PIGU: variants seen among roughly 807,000 people sequenced by gnomAD.
PIGU encodes phosphatidylinositol glycan anchor biosynthesis class U, also known as GPI-anchor transamidase component PIGU.
In PIGU, 24 loss-of-function variants were observed where a neutral mutation model predicts 49.9. The ratio of observed to expected loss-of-function variants is 0.48; its 90% confidence interval spans 0.35 to 0.68. PIGU has a LOEUF of 0.68. PIGU is among the 30% of genes least tolerant of loss of function. The probability of loss-of-function intolerance (pLI) is 0.01; values close to 1 mark genes in which losing one functional copy is unlikely to be tolerated. For missense variants in PIGU, 490 were observed against 532.6 expected (o/e 0.92, Z 0.79); for synonymous variants, 220 against 205.7 (o/e 1.07, Z -0.59).
chr20:34,599,096 A>T (rs1020772583), intron 7 of PIGU, among the ~76,000 whole-genome samples: 2 of 152,112 alleles, frequency 1.3e-5, no homozygotes, highest in Non-Finnish European at 2.9e-5. Flanking sequence ...TGAATACTTC[A>T]ATTTCACTAA....
At chr20:34,618,980 G>A (rs1985109831) in intron 6 of PIGU, among the ~76,000 whole-genome samples, 1 of 152,162 alleles carries the variant, frequency 6.6e-6, no homozygotes, top group African/African-American at 2.4e-5. Flanking sequence ...TTGGAGGACA[G>A]ACGGTTATAA....
intron 1 of PIGU, among the ~76,000 whole-genome samples, chr20:34,675,129 TCCCAGCTG>T (rs1987455680): frequency 1.3e-5 from 2 of 150,722 alleles, no homozygotes; most frequent in South Asian, 4.2e-4. Flanking sequence ...ATGCCTGTAA[TCCCAGCTG>T]CCCAGGAGGC....
chr20:34,673,754 G>A (rs577280035), intron 1 of PIGU, among the ~76,000 whole-genome samples: 4 of 152,118 alleles, frequency 2.6e-5, no homozygotes, highest in African/African-American at 4.8e-5. Context: ...AAACACTGAC[G>A]TTAGAATTCA....
At chr20:34,622,061 G>T (rs1373578363) in intron 6 of PIGU, among the ~76,000 whole-genome samples, 1 of 152,166 alleles carries the variant, frequency 6.6e-6, no homozygotes, top group Admixed American at 6.5e-5. Context: ...CAGGGCAAGA[G>T]CTGGGAGGAG....
intron 5 of PIGU, among the ~76,000 whole-genome samples, chr20:34,635,655 C>T (rs1985933689): frequency 6.6e-6 from 1 of 152,172 alleles, no homozygotes; most frequent in African/African-American, 2.4e-5. Flanking sequence ...ACAGGCAGAT[C>T]ACCTGAGGTT....
chr20:34,638,083 G>A (rs1986025487), intron 4 of PIGU, 98 bp from the exon 5 acceptor site: 2 of 1,443,576 alleles, frequency 1.4e-6, no homozygotes, highest in Admixed American at 6.0e-5. Flanking sequence ...TGGCCCACAT[G>A]GCCCTGCCTG....
chr20:34,665,788 TAC>T (rs1322062369), intron 1 of PIGU, among the ~76,000 whole-genome samples: 32 of 152,300 alleles, frequency 2.1e-4, no homozygotes, highest in Admixed American at 3.9e-4. Flanking sequence ...TTCATCTATG[TAC>T]ATCTAAGGCA....
rs537097985 is a variant in PIGU at position 34,645,905 on chromosome 20, T to A, written c.196-571A>T. On this transcript the variant is annotated intron_variant, in intron 2 of 11. Transcript: ENST00000217446. ...GAGCGAGACTCTGTCTCAAAAAAAA[T>A]AAATAAATAAATAAAAAATATATAG... is the stretch of plus-strand genomic sequence containing the variant. Among the ~76,000 whole-genome samples the A allele has an allele frequency of 4.7e-3, 715 of 151,444 alleles. 2 individuals are homozygous for A. The highest frequency in any genetic ancestry group is 8.2e-3 in the Non-Finnish European group (553 of 67,794).
At chr20:34,617,887 C>T (rs980355765) in intron 6 of PIGU, among the ~76,000 whole-genome samples, 1 of 152,166 alleles carries the variant, frequency 6.6e-6, no homozygotes, top group South Asian at 2.1e-4. Flanking sequence ...CTTTCCCATG[C>T]TATTCTCGTA....
rs141961625 is a variant in PIGU, at chr20:34,644,544, T to C, written c.256-318A>G. 8.2e-3 allele frequency among the ~76,000 whole-genome samples: 1,255 copies of C among 152,296 alleles called. 25 individuals are homozygous for C. Among genetic ancestry groups the C allele is most frequent in the African/African-American group, 0.029 (1,214 of 41,558 alleles). The stretch of plus-strand genomic sequence containing the variant: ...CACTGCTTTGCATGCCTGATGTATG[T>C]CAAGTGCCTAGCACACAGTAGGTCC... On this transcript the variant is annotated intron_variant, in intron 3 of 11. Transcript: ENST00000217446.
intron 7 of PIGU, among the ~76,000 whole-genome samples, chr20:34,599,354 G>A (rs1407772247): frequency 6.6e-6 from 1 of 152,070 alleles, no homozygotes; most frequent in African/African-American, 2.4e-5. Context: ...TCGGGAGGCT[G>A]AGACAGGAGG....
chr20:34,653,068 GT>G, intron 2 of PIGU, among the ~76,000 whole-genome samples: 1 of 151,920 alleles, frequency 6.6e-6, no homozygotes, highest in East Asian at 1.9e-4. Flanking sequence ...CGCCTCCCAG[GT>G]TCAAGCCATT....
chr20:34,620,627 C>T (rs929320717), intron 6 of PIGU, among the ~76,000 whole-genome samples: 1 of 151,718 alleles, frequency 6.6e-6, no homozygotes, highest in Non-Finnish European at 1.5e-5. Flanking sequence ...CTGACTAACA[C>T]GGTGAAACCC....
chr20:34,650,700 C>CTCTTT (rs1986509194), intron 2 of PIGU, among the ~76,000 whole-genome samples: 1 of 38,778 alleles, frequency 2.6e-5, no homozygotes, highest in African/African-American at 1.2e-4. Context: ...CTTTTTTTCT[C>CTCTTT]TTTTTTTTTT....
At chr20:34,670,049 C>T (rs773718957) in intron 1 of PIGU, among the ~76,000 whole-genome samples, 2 of 152,224 alleles carry the variant, frequency 1.3e-5, no homozygotes, top group African/African-American at 4.8e-5. Context: ...GGGATTGTGA[C>T]GAAGGGGGGC....
intron 6 of PIGU, among the ~76,000 whole-genome samples, chr20:34,624,872 T>TGG (rs1222635330): frequency 1.3e-5 from 2 of 152,096 alleles, no homozygotes; most frequent in Non-Finnish European, 2.9e-5. Context: ...CAGGCAACCC[T>TGG]GGGCTGCCAC....
intron 7 of PIGU, among the ~76,000 whole-genome samples, chr20:34,593,577 T>A (rs1380241005): frequency 6.6e-6 from 1 of 152,142 alleles, no homozygotes; most frequent in Non-Finnish European, 1.5e-5. Context: ...AAAATACATA[T>A]GGCAATTTAG....
chr20:34,665,360 C>T (rs868523128), intron 1 of PIGU, among the ~76,000 whole-genome samples: 4 of 150,892 alleles, frequency 2.7e-5, no homozygotes, highest in Non-Finnish European at 4.4e-5. Flanking sequence ...CCCGCTACCA[C>T]GCCCGGCTAA....
At chr20:34,604,416 T>C (rs1035042354) in intron 7 of PIGU, among the ~76,000 whole-genome samples, 7 of 152,224 alleles carry the variant, frequency 4.6e-5, no homozygotes, top group African/African-American at 1.7e-4. Context: ...ACAATGTTTT[T>C]ACATGTAAGT....
Sources: gnomAD v4.1 joint callset for allele counts (sites outside exome capture counted in the v4.1 genomes callset) on GRCh38, gnomAD v4.1.1 for gene constraint, MANE v1.5 for transcripts, NCBI Gene and HGNC (gene_info 2026-07-23, HGNC 2026-07-21) for gene names.